COG7: variants seen among roughly 807,000 people sequenced by gnomAD.
The protein encoded by COG7 is component of oligomeric golgi complex 7, also known as conserved oligomeric Golgi complex subunit 7.
A neutral mutation model predicts 91.5 loss-of-function variants in COG7; 49 were observed. The observed-to-expected ratio is 0.54, with a 90% CI of 0.43 to 0.68. The LOEUF (loss-of-function observed/expected upper bound fraction) is 0.68, where lower values mean the gene tolerates loss of function less well. COG7 is among the 30% of genes least tolerant of loss of function. The probability of loss-of-function intolerance (pLI) is 0.00; values close to 1 mark genes in which losing one functional copy is unlikely to be tolerated. For synonymous variants in COG7, 365 were observed against 388.7 expected (o/e 0.94, Z 0.72); for missense variants, 895 against 961.3 (o/e 0.93, Z 0.91).
intron 14 of COG7, among the ~76,000 whole-genome samples, chr16:23,394,250 G>A (rs1321185001): frequency 6.6e-6 from 1 of 152,022 alleles, no homozygotes; most frequent in South Asian, 2.1e-4. Context: ...TTGGCTGGTG[G>A]GGAATTGCAA....
chr16:23,403,013 C>CTTT (rs1963403091), intron 13 of COG7, among the ~76,000 whole-genome samples: 1 of 152,132 alleles, frequency 6.6e-6, no homozygotes, highest in Admixed American at 6.5e-5. Context: ...TCCAAATGGC[C>CTTT]CTGAAGGGTC....
intron 10 of COG7, among the ~76,000 whole-genome samples, chr16:23,412,026 A>G (rs893736345): frequency 1.3e-5 from 2 of 152,034 alleles, no homozygotes; most frequent in African/African-American, 4.8e-5. Context: ...GATTACAGGC[A>G]CGTGCCACCA....
chr16:23,391,251 A>G (rs1215548652), intron 16 of COG7, among the ~76,000 whole-genome samples: 1 of 152,226 alleles, frequency 6.6e-6, no homozygotes, highest in African/African-American at 2.4e-5. Context: ...ACAGGGAGGA[A>G]TAACAAGGAC....
chr16:23,423,447 G>A (rs959641944), intron 7 of COG7, among the ~76,000 whole-genome samples: 3 of 152,188 alleles, frequency 2.0e-5, no homozygotes, highest in African/African-American at 7.2e-5. Flanking sequence ...GAAGGATGCA[G>A]CCATTCCTTG....
At chr16:23,427,943 G>A (rs929614775) in intron 6 of COG7, among the ~76,000 whole-genome samples, 5 of 152,100 alleles carry the variant, frequency 3.3e-5, no homozygotes, top group Non-Finnish European at 5.9e-5. Context: ...TTGGGAGGCC[G>A]AGTGGGCAGA....
chr16:23,391,138 C>T (rs1167504842), intron 16 of COG7, among the ~76,000 whole-genome samples: 6 of 152,218 alleles, frequency 3.9e-5, no homozygotes, highest in Non-Finnish European at 8.8e-5. Flanking sequence ...AGCATGGGAG[C>T]TGCCTAAAGC....
intron 6 of COG7, among the ~76,000 whole-genome samples, chr16:23,432,589 G>C (rs1210846518): frequency 2.0e-5 from 3 of 152,130 alleles, no homozygotes; most frequent in Admixed American, 2.0e-4. Context: ...AGTAAGACAG[G>C]CTCTTCCCCT....
intron 7 of COG7, 57 bp from the exon 8 acceptor site, chr16:23,418,884 G>C: frequency 2.6e-6 from 4 of 1,551,436 alleles, no homozygotes; most frequent in Non-Finnish European, 3.6e-6. Context: ...AATTAACTGT[G>C]GGAAAGCAAC....
intron 6 of COG7, among the ~76,000 whole-genome samples, chr16:23,431,691 C>T (rs533865635): frequency 1.3e-5 from 2 of 151,720 alleles, no homozygotes; most frequent in South Asian, 2.1e-4. Context: ...TGCCTGTAAT[C>T]CCAGCTACTC....
At chr16:23,419,545 T>C (rs1227239677) in intron 7 of COG7, among the ~76,000 whole-genome samples, 2 of 150,698 alleles carry the variant, frequency 1.3e-5, no homozygotes, top group Admixed American at 6.6e-5. Context: ...GGTCAGGAGT[T>C]TGAGACCAGC....
At chr16:23,451,301 T>A (rs950451947) in intron 1 of COG7, among the ~76,000 whole-genome samples, 1 of 152,208 alleles carries the variant, frequency 6.6e-6, no homozygotes, top group African/African-American at 2.4e-5. Context: ...GAGACTTGTG[T>A]GCAGTACGTA....
At chr16:23,413,659 T>C in intron 9 of COG7, 95 bp from the exon 10 acceptor site, 2 of 793,026 alleles carry the variant, frequency 2.5e-6, no homozygotes, top group South Asian at 1.4e-5. Context: ...AAATTGCTAA[T>C]GGCCTTGAGA....
chr16:23,394,668 C>G (rs928384997), intron 14 of COG7, among the ~76,000 whole-genome samples: 7 of 152,034 alleles, frequency 4.6e-5, no homozygotes, highest in Admixed American at 1.3e-4. Context: ...GGTGTAGTGT[C>G]CAGAAGTTAA....
chr16:23,400,375 G>A (rs766375374), intron 13 of COG7, among the ~76,000 whole-genome samples: 5 of 152,124 alleles, frequency 3.3e-5, no homozygotes, highest in Admixed American at 1.3e-4. Context: ...GTGGTTTGTC[G>A]GCAAAGAGGG....
intron 6 of COG7, 112 bp downstream of exon 6, chr16:23,433,433 G>A (rs1400990156): frequency 2.9e-6 from 4 of 1,386,032 alleles, no homozygotes; most frequent in African/African-American, 1.4e-5. Flanking sequence ...GCAACAAACG[G>A]GGAAGTTCTT....
chr16:23,392,283 G>A (rs780092908), intron 16 of COG7, 97 bp downstream of exon 16: 11 of 1,579,160 alleles, frequency 7.0e-6, no homozygotes, highest in Middle Eastern at 2.0e-4. Flanking sequence ...GAAGCTAAGG[G>A]AAGACTTGGG....
intron 6 of COG7, among the ~76,000 whole-genome samples, chr16:23,428,817 G>T (rs946162945): frequency 6.6e-6 from 1 of 150,834 alleles, no homozygotes; most frequent in East Asian, 2.0e-4. Context: ...TCAGCCTCCC[G>T]AGTAGCTGGG....
intron 14 of COG7, among the ~76,000 whole-genome samples, chr16:23,395,488 CA>C (rs1221601731): frequency 1.3e-5 from 2 of 152,210 alleles, no homozygotes; most frequent in African/African-American, 4.8e-5. Flanking sequence ...TTTTAAATTT[CA>C]AAGCATTTTC....
chr16:23,397,899 G>C, intron 14 of COG7, 147 bp downstream of exon 14: 1 of 698,982 alleles, frequency 1.4e-6, no homozygotes, highest in South Asian at 1.6e-5. Flanking sequence ...TAAAGTCCAG[G>C]ATCTGGGTGC....
Sources: allele counts gnomAD v4.1 joint callset (sites outside exome capture counted in the v4.1 genomes callset), GRCh38; gene constraint gnomAD v4.1.1; transcripts MANE v1.5; gene names NCBI Gene and HGNC (gene_info 2026-07-23, HGNC 2026-07-21).